Variants in DLEC1 observed in about 807,000 individuals in gnomAD.
DLEC1 encodes DLEC1 cilia and flagella associated protein.
DLEC1 carries 146 observed loss-of-function variants against 198.1 expected under a neutral mutation model. That is an observed-to-expected ratio of 0.74 (90% CI 0.64 to 0.85). DLEC1 has a LOEUF of 0.85. Ranked by LOEUF, DLEC1 falls within the 40% of genes least tolerant of loss-of-function variation. DLEC1 has a pLI of 0.00. For missense variants in DLEC1, 2,233 were observed against 2,220.0 expected (o/e 1.01, Z -0.12); for synonymous variants, 897 against 866.8 (o/e 1.03, Z -0.61).
chr3:38,084,458 A>AGTG (rs1559430285), intron 7 of DLEC1, among the ~76,000 whole-genome samples: 35 of 460 alleles, frequency 0.076, 3 homozygotes, highest in Non-Finnish European at 0.11. Context: ...TGGTGGTAGT[A>AGTG]GTAATAGTAG....
At position 38,062,806 on chromosome 3, in the gene DLEC1, G is replaced by T; in HGVS notation, c.1094+5G>T. ...GAGTACAGAGCCAGAACAGAGGTAT[G>T]TCTTTCTCTGGCTTGAACTCTCAGA... On this transcript the variant is annotated splice_donor_5th_base_variant and intron_variant, in intron 5 of 36. Coordinates refer to ENST00000308059, the MANE Select transcript of DLEC1 (RefSeq NM_007335.4). The T allele has an allele frequency of 6.2e-7, 1 of 1,612,860 alleles. No homozygotes were observed. Among genetic ancestry groups the T allele is most frequent in the Non-Finnish European group, 8.5e-7 (1 of 1,179,610 alleles).
At chr3:38,097,144 G>T in intron 15 of DLEC1, 38 bp from the exon 16 acceptor site, 1 of 1,513,420 alleles carries the variant, frequency 6.6e-7, no homozygotes, top group Non-Finnish European at 9.0e-7. Flanking sequence ...GACATGAAGG[G>T]GCAGTAAATG....
rs1405846205 is a variant in DLEC1, at chr3:38,122,303, A to G, written c.5159A>G (p.Tyr1720Cys). The G allele has an allele frequency of 6.2e-7, 1 of 1,613,326 alleles. No homozygotes were observed. Among genetic ancestry groups the G allele is most frequent in the Non-Finnish European group, 8.5e-7 (1 of 1,179,616 alleles). ...VFFTARSSEL[Y>C]ESTMVVEGVL... ...GCTCCCCACAGGAGTAGTGAGCTGT[A>G]CGAGTCCACGATGGTGGTGGAAGGT... The change falls in exon 37 of 37, where the codon TAC (tyrosine) becomes TGC (cysteine). Residue 1720 changes from tyrosine (Y) to cysteine (C), a missense_variant. Transcript: ENST00000308059.
chr3:38,068,948 G>T (rs1697172690), intron 6 of DLEC1, among the ~76,000 whole-genome samples: 1 of 152,168 alleles, frequency 6.6e-6, no homozygotes, highest in African/African-American at 2.4e-5. Flanking sequence ...AAACATGGGG[G>T]ATAGGAAGGG....
At chr3:38,076,989 T>C (rs1467642779) in intron 6 of DLEC1, among the ~76,000 whole-genome samples, 1 of 152,098 alleles carries the variant, frequency 6.6e-6, no homozygotes, top group African/African-American at 2.4e-5. Flanking sequence ...GGTGATGGCC[T>C]GGATACAGTT....
At chr3:38,078,750 A>G (rs1384025763) in intron 6 of DLEC1, among the ~76,000 whole-genome samples, 1 of 152,206 alleles carries the variant, frequency 6.6e-6, no homozygotes, top group Non-Finnish European at 1.5e-5. Context: ...TAGTAAAGAA[A>G]GCATGTTTGA....
rs1696758557 is a variant in DLEC1 at position 38,062,699 on chromosome 3, G to GC, written c.992_993insC (p.Pro334SerfsTer3). The stretch of plus-strand genomic sequence containing the variant: ...CGGAACCACTTCCTAAAAAATCCCC[G>GC]TTTTTTTCCTCCTAACACTCGATAT... On this transcript the variant is annotated frameshift_variant, in exon 5 of 37. Coordinates refer to ENST00000308059, the MANE Select transcript of DLEC1 (RefSeq NM_007335.4). LOFTEE classifies it high-confidence loss of function. The GC allele has an allele frequency of 2.5e-6, 4 of 1,613,980 alleles. No homozygotes were observed. Among genetic ancestry groups the GC allele is most frequent in the Non-Finnish European group, 3.4e-6 (4 of 1,180,006 alleles).
chr3:38,062,048 T>C lies in DLEC1; in HGVS notation c.674-121T>C. ...GAGCAATTATAGCTGGTGTGGTAAA[T>C]ATGAAAGTTTAGGAGAAAGATCAAG... On this transcript the variant is annotated intron_variant, in intron 3 of 36. Transcript: ENST00000308059. 7.5e-6 allele frequency: 7 copies of C among 929,190 alleles called. No homozygotes were observed. The South Asian group carries it at 9.1e-5, about 12-fold the overall frequency. The allele number at this position is 929,190 out of a possible 1,614,324, so 57.6% of individuals were successfully genotyped here.
At chr3:38,096,952 AG>A (rs1013781906) in intron 15 of DLEC1, among the ~76,000 whole-genome samples, 6 of 152,168 alleles carry the variant, frequency 3.9e-5, no homozygotes, top group African/African-American at 1.4e-4. Flanking sequence ...TCTGAAAGTT[AG>A]GGCTATGGAA....
At chr3:38,044,559 G>C (rs897841177) in intron 1 of DLEC1, among the ~76,000 whole-genome samples, 32 of 151,734 alleles carry the variant, frequency 2.1e-4, no homozygotes, top group Admixed American at 5.9e-4. Flanking sequence ...GCAAAACTCT[G>C]TCTCAAAAAA....
intron 31 of DLEC1, 35 bp downstream of exon 31, chr3:38,117,337 C>G: frequency 6.2e-7 from 1 of 1,610,350 alleles, no homozygotes; most frequent in Non-Finnish European, 8.5e-7. Flanking sequence ...TCCTTTCATC[C>G]CCATGGGGTG....
chr3:38,065,087 G>A (rs1039394328), intron 6 of DLEC1, among the ~76,000 whole-genome samples: 14 of 152,336 alleles, frequency 9.2e-5, no homozygotes, highest in African/African-American at 2.2e-4. Flanking sequence ...CTGCAATCCC[G>A]GCACCTCGGG....
intron 6 of DLEC1, among the ~76,000 whole-genome samples, chr3:38,064,225 G>T (rs955185895): frequency 1.3e-5 from 2 of 151,968 alleles, no homozygotes; most frequent in Admixed American, 1.3e-4. Context: ...TAACGAGCAT[G>T]CTGCCTTCAA....
At position 38,117,911 on chromosome 3, in the gene DLEC1, G is replaced by C. The variant is rs762561444; in HGVS notation, c.4591G>C (p.Asp1531His). ...MVSRPFSVSQDGASQDHRAPG... is the reference protein window; with the variant it reads ...MVSRPFSVSQHGASQDHRAPG... ...CTCCAGGCCCTTCTCCGTTTCTCAA[G>C]ATGGGGCGAGCCAGGACCACAGAGC... Residue 1531 changes from aspartate to histidine, a missense_variant, in exon 33 of 37, where the codon GAT becomes CAT. Asp to His is a moderately conservative substitution (Grantham distance 81). Transcript: ENST00000308059. The C allele has an allele frequency of 8.1e-6, 13 of 1,614,024 alleles. No individual in the cohort carries two copies. The highest frequency in any genetic ancestry group is 1.7e-5 in the Admixed American group (1 of 60,004).
At chr3:38,046,358 T>C (rs191048395) in intron 2 of DLEC1, among the ~76,000 whole-genome samples, 72 of 152,272 alleles carry the variant, frequency 4.7e-4, no homozygotes, top group African/African-American at 1.7e-3. Context: ...GTGGAAGGTA[T>C]TGAATCATGG....
intron 6 of DLEC1, among the ~76,000 whole-genome samples, chr3:38,079,668 G>A (rs1198462317): frequency 6.6e-6 from 1 of 152,200 alleles, no homozygotes; most frequent in Non-Finnish European, 1.5e-5. Context: ...CACACAGATG[G>A]GACGTGGCTT....
intron 2 of DLEC1, among the ~76,000 whole-genome samples, chr3:38,055,626 C>G (rs1276436849): frequency 6.6e-6 from 1 of 152,130 alleles, no homozygotes; most frequent in Non-Finnish European, 1.5e-5. Flanking sequence ...GAAGAACGTA[C>G]TTCCAGCAGA....
chr3:38,064,521 T>A (rs1696889079), intron 6 of DLEC1, among the ~76,000 whole-genome samples: 1 of 152,228 alleles, frequency 6.6e-6, no homozygotes, highest in Non-Finnish European at 1.5e-5. Flanking sequence ...CATGAGCTAT[T>A]GGGTACACCT....
intron 27 of DLEC1, 59 bp from the exon 28 acceptor site, chr3:38,116,394 C>T (rs554712190): frequency 3.2e-5 from 50 of 1,580,810 alleles, no homozygotes; most frequent in Middle Eastern, 1.7e-4. Context: ...GAGGAGGGGG[C>T]CCCGGGGGGT....
Sources: allele counts gnomAD v4.1 joint callset (sites outside exome capture counted in the v4.1 genomes callset), GRCh38; gene constraint gnomAD v4.1.1; transcripts MANE v1.5; gene names NCBI Gene and HGNC (gene_info 2026-07-23, HGNC 2026-07-21).